Variants in SLC39A3 observed in about 807,000 individuals in gnomAD.
SLC39A3 encodes the protein solute carrier family 39 member 3.
A neutral mutation model predicts 5.1 loss-of-function variants in SLC39A3; 3 were observed. That is an observed-to-expected ratio of 0.59 (90% CI 0.27 to 1.54). SLC39A3 has a LOEUF of 1.54. Ranked by LOEUF, SLC39A3 falls within the 40% of genes most tolerant of loss-of-function variation. The pLI, the probability that SLC39A3 is intolerant of heterozygous loss-of-function variation, is 0.12. For synonymous variants in SLC39A3, 250 were observed against 218.8 expected (o/e 1.14, Z -1.26); for missense variants, 412 against 436.4 (o/e 0.94, Z 0.50).
rs572949904 is a variant in SLC39A3, at chr19:2,737,108, A to G, written c.150T>C (p.Phe50=). Residue 50 remains phenylalanine (F), a synonymous_variant, in exon 2 of 3, where the codon TTT becomes TTC. Transcript: ENST00000269740. ...ACGTGGCCAGAAACACCCCTCCTCC[A>G]AAGGTGTTGCAGAGAGAGAGGATCT... ...SKKILSLCNT[F]GGGVFLATCF... 7 of 1,614,100 alleles carry G rather than the reference A, an allele frequency of 4.3e-6. No homozygotes were observed. In the South Asian group the frequency reaches 5.5e-5, roughly 13 times the overall value.
rs1044284294 is a variant in SLC39A3 at position 2,733,104 on chromosome 19, C to G, written c.592G>C (p.Val198Leu). The change falls in exon 3 of 3, where the codon GTG (valine) becomes CTG (leucine). Residue 198 changes from valine (V) to leucine (L), a missense_variant. Transcript: ENST00000269740. This position sits in a 1 kb window ranked among gnomAD's most constrained non-coding sequence, Gnocchi z 6.1. ...ACGGCCACCCCCACGAACAGGCTCA[C>G]CACTTTCTCCCCCTCCTCCTGCAGG... The part of the protein sequence containing the change: ...LGLQEEGEKV[V>L]SLFVGVAVHE... 1.2e-6 allele frequency: 2 copies of G among 1,610,970 alleles called. No individual in the cohort carries two copies. Among genetic ancestry groups the G allele is most frequent in the Admixed American group, 1.7e-5 (1 of 59,876 alleles).
At chr19:2,740,038 T>C (rs1235122890), upstream of SLC39A3, 6 of 152,018 alleles carry the variant, frequency 3.9e-5, no homozygotes, top group Admixed American at 1.3e-4. Context: ...GAGGCCCCGC[T>C]CGGCGCGGCT....
chr19:2,732,583 A>G lies in SLC39A3; in HGVS notation c.*168T>C. 1 of 1,426,494 alleles carries G rather than the reference A, an allele frequency of 7.0e-7. No individual in the cohort carries two copies. Among genetic ancestry groups the G allele is most frequent in the Non-Finnish European group, 9.1e-7 (1 of 1,094,608 alleles). 88.4% of individuals were successfully genotyped at this position (1,426,494 alleles called of 1,614,324 possible). On this transcript the variant is annotated 3_prime_UTR_variant, in exon 3 of 3. Coordinates refer to ENST00000269740, the MANE Select transcript of SLC39A3 (RefSeq NM_144564.5). The stretch of plus-strand genomic sequence containing the variant: ...AAAAAGTAGCAGTGCTCTGAGGCTC[A>G]GGGTGTAGGATCGGGGGCACAGCCT...
At position 2,732,940 on chromosome 19, in the gene SLC39A3, G is replaced by A. The variant is rs749768321; in HGVS notation, c.756C>T (p.Ser252=). The part of the protein sequence containing the change: ...LGIGLGLGIE[S]AQGVPGSVAS... Reference sequence around the variant, plus strand: ...CCACGCTGCCCGGCACGCCCTGGGCGCTCTCAATGCCCAGGCCCAGGCCGA... The same window carrying A: ...CCACGCTGCCCGGCACGCCCTGGGCACTCTCAATGCCCAGGCCCAGGCCGA... Residue 252 remains serine, a synonymous_variant, in exon 3 of 3, where the codon AGC becomes AGT. Coordinates refer to ENST00000269740, the MANE Select transcript of SLC39A3 (RefSeq NM_144564.5). 46 of 1,608,034 alleles carry A rather than the reference G, an allele frequency of 2.9e-5. 1 individual carries two copies. Among genetic ancestry groups the A allele is most frequent in the South Asian group, 1.9e-4 (17 of 90,612 alleles).
At chr19:2,738,893 A>C (rs12104172) in intron 1 of SLC39A3, among the ~76,000 whole-genome samples, 69,311 of 150,200 alleles carry the variant, frequency 0.46, 19,323 homozygotes, top group African/African-American at 0.79. Context: ...GCCAAGATCA[A>C]GCCATTGCAC....
rs940196932 is a variant in SLC39A3 at position 2,732,676 on chromosome 19, C to T, written c.*75G>A. ...ACAGTGCTCGCTCTTGGGGGACGCG[C>T]GGCCGGGGGACGCGGCCTGTGTCCG... On this transcript the variant is annotated 3_prime_UTR_variant, in exon 3 of 3. Transcript: ENST00000269740. The T allele has an allele frequency of 6.9e-6, 10 of 1,439,880 alleles. No individual in the cohort carries two copies. The highest frequency in any genetic ancestry group is 3.4e-5 in the African/African-American group (2 of 58,874). The allele number at this position is 1,439,880 out of a possible 1,614,324, so 89.2% of individuals were successfully genotyped here.
rs1914285977 is a variant in SLC39A3 at position 2,734,265 on chromosome 19, G to C, written c.211-780C>G. Among the ~76,000 whole-genome samples the C allele has an allele frequency of 6.6e-6, 1 of 152,234 alleles. No homozygotes were observed. ...CTGGAGCCTCGTCACGGCAGGGCCAGAGTTCACAGCCACCCTCCAGAGAGA... is the reference window on the plus strand; with the variant it reads ...CTGGAGCCTCGTCACGGCAGGGCCACAGTTCACAGCCACCCTCCAGAGAGA... On this transcript the variant is annotated intron_variant, in intron 2 of 2. Transcript: ENST00000269740. The surrounding 1 kb of genome is among the most constrained non-coding windows in gnomAD (Gnocchi z 4.6).
At position 2,735,143 on chromosome 19, in the gene SLC39A3, A is replaced by G; in HGVS notation, c.211-1658T>C. Reference sequence around the variant, plus strand: ...GCAGTCAGAGGGTGACGGGGGTGACACCATGACCATGGGGGAAAAGGGGGG... The same window carrying G: ...GCAGTCAGAGGGTGACGGGGGTGACGCCATGACCATGGGGGAAAAGGGGGG... On this transcript the variant is annotated intron_variant, in intron 2 of 2. Transcript: ENST00000269740. The surrounding 1 kb of genome is among the most constrained non-coding windows in gnomAD (Gnocchi z 5.7). 1.0e-6 allele frequency: 1 copy of G among 985,286 alleles called. No homozygotes were observed. The highest frequency in any genetic ancestry group is 1.7e-5 in the African/African-American group (1 of 57,268). The allele number at this position is 985,286 out of a possible 1,614,324, so 61.0% of individuals were successfully genotyped here. A position where few individuals can be genotyped will look rare whatever the true frequency, so the allele number is the denominator to read the frequency against.
rs1914238492 is a variant in SLC39A3, at chr19:2,732,867, T to C, written c.829A>G (p.Thr277Ala). ...TCCTTGGCCAGGATCTCCAGGAAGG[T>C]GATGAAGAGGAAGGTGCCGCCCGCC... ...GLAGGTFLFI[T>A]FLEILAKELE... Residue 277 changes from threonine (T) to alanine (A), a missense_variant, in exon 3 of 3, where the codon ACC becomes GCC. Physicochemically the swap from Thr to Ala is moderately conservative, Grantham distance 58. Coordinates refer to ENST00000269740, the MANE Select transcript of SLC39A3 (RefSeq NM_144564.5). 6.2e-7 allele frequency: 1 copy of C among 1,611,718 alleles called. No individual in the cohort carries two copies. Among genetic ancestry groups the C allele is most frequent in the Admixed American group, 1.7e-5 (1 of 59,960 alleles).
chr19:2,737,422 C>CT (rs567070163), intron 1 of SLC39A3, 43 bp from the exon 2 acceptor site: 72,122 of 1,022,636 alleles, frequency 0.071, no homozygotes, highest in Middle Eastern at 0.079. Context: ...TTTCTTTTTT[C>CT]TTTTTTTTTT....
At chr19:2,738,727 G>A (rs184082311) in intron 1 of SLC39A3, among the ~76,000 whole-genome samples, 6 of 152,000 alleles carry the variant, frequency 3.9e-5, no homozygotes, top group Admixed American at 1.3e-4. Context: ...ACCTGAGGTC[G>A]AGAGTTCAAG....
At chr19:2,739,217 G>A (rs1026657733) in intron 1 of SLC39A3, among the ~76,000 whole-genome samples, 1 of 150,300 alleles carries the variant, frequency 6.7e-6, no homozygotes, top group East Asian at 2.0e-4. Flanking sequence ...CTCAAAAACC[G>A]CTGGCTGAAC....
At chr19:2,736,153 T>C (rs1914359908) in intron 2 of SLC39A3, 1 of 985,354 alleles carries the variant, frequency 1.0e-6, no homozygotes, top group African/African-American at 1.7e-5. Context: ...AAGGAACAGG[T>C]CAGCAGAGGA....
Position 2,732,805 on chromosome 19 carries a change from G to A in SLC39A3, c.891C>T (p.Leu297=), listed in dbSNP as rs145788012. 1.2e-4 allele frequency: 189 copies of A among 1,610,122 alleles called. No homozygotes were observed. The highest frequency in any genetic ancestry group is 1.8e-4 in the South Asian group (16 of 90,850). The change falls in exon 3 of 3, where the codon CTC becomes CTT. Residue 297 remains leucine, a synonymous_variant. Transcript: ENST00000269740. ...EEKSDRLLKV[L]FLVLGYTVLA... is the part of the protein sequence containing the mutation. ...GGACGGTGTAGCCCAGCACCAGGAA[G>A]AGGACCTTGAGCAGACGGTCACTCT...
In SLC39A3 at chr19:2,737,088, G is replaced by C; in HGVS notation, c.170C>G (p.Ala57Gly). The change falls in exon 2 of 3, where the codon GCC (alanine) becomes GGC (glycine). Residue 57 changes from alanine (A) to glycine (G), a missense_variant. Physicochemically the swap from Ala to Gly is moderately conservative, Grantham distance 60. Transcript: ENST00000269740. ...CNTFGGGVFL[A>G]TCFNALLPAV... ...GGGCAGCAGAGCGTTGAAGCACGTG[G>C]CCAGAAACACCCCTCCTCCAAAGGT... is the stretch of plus-strand genomic sequence containing the variant. 6.2e-7 allele frequency: 1 copy of C among 1,614,150 alleles called. No individual in the cohort carries two copies. The highest frequency in any genetic ancestry group is 8.5e-7 in the Non-Finnish European group (1 of 1,180,022).
At position 2,736,722 on chromosome 19, in the gene SLC39A3, T is replaced by C. The variant is rs1914380572; in HGVS notation, c.210+326A>G. ...TTGTTACGCAACAGTAGCTGACTGA[T>C]ATAGGAACCGAAGAGAGGCCATGCT... On this transcript the variant is annotated intron_variant, in intron 2 of 2. Transcript: ENST00000269740. 2.8e-6 allele frequency: 4 copies of C among 1,414,946 alleles called. No individual in the cohort carries two copies. In the Admixed American group the frequency reaches 1.2e-4, roughly 42 times the overall value. The allele number at this position is 1,414,946 out of a possible 1,614,324, so 87.6% of individuals were successfully genotyped here.
chr19:2,739,317 C>T (rs916965168), intron 1 of SLC39A3: 4 of 151,980 alleles, frequency 2.6e-5, no homozygotes, highest in Admixed American at 6.6e-5. Context: ...CACCCTGGAC[C>T]CCAAAATGTC....
intron 2 of SLC39A3, chr19:2,736,667 G>C: frequency 3.2e-6 from 4 of 1,232,482 alleles, no homozygotes; most frequent in Non-Finnish European, 4.2e-6. Context: ...ATAAACGTCT[G>C]TAGTCCTAAG....
rs1237543377 is a variant in SLC39A3 at position 2,732,688 on chromosome 19, G to A, written c.*63C>T. The A allele has an allele frequency of 1.4e-5, 20 of 1,474,194 alleles. No homozygotes were observed. Among genetic ancestry groups the A allele is most frequent in the African/African-American group, 7.2e-5 (5 of 69,524 alleles). 91.3% of individuals were successfully genotyped at this position (1,474,194 alleles called of 1,614,324 possible). A position where few individuals can be genotyped will look rare whatever the true frequency, so the allele number is the denominator to read the frequency against. The stretch of plus-strand genomic sequence containing the variant: ...CTTGGGGGACGCGCGGCCGGGGGAC[G>A]CGGCCTGTGTCCGGCCCGGGGCTCC... On this transcript the variant is annotated 3_prime_UTR_variant, in exon 3 of 3. Transcript: ENST00000269740.
Sources: gnomAD v4.1 joint callset for allele counts (sites outside exome capture counted in the v4.1 genomes callset) on GRCh38, gnomAD v4.1.1 for gene constraint, Gnocchi (gnomAD v3.1) non-coding constraint, MANE v1.5 for transcripts, NCBI Gene and HGNC (gene_info 2026-07-23, HGNC 2026-07-21) for gene names.